The following ZNF776 variants were observed in gnomAD, a reference collection of about 807,000 sequenced individuals.
ZNF776 encodes zinc finger protein 776.
Under a neutral mutation model 7.0 loss-of-function variants are expected in ZNF776, and 4 were observed. The ratio of observed to expected loss-of-function variants is 0.57; its 90% CI spans 0.28 to 1.31. The LOEUF is 1.31. Among genes scored for constraint, ZNF776 ranks in the 50% most tolerant of loss-of-function variants. ZNF776 has a pLI of 0.10. For missense variants in ZNF776, 555 were observed against 625.9 expected (o/e 0.89, Z 1.21); for synonymous variants, 212 against 213.7 (o/e 0.99, Z 0.07).
chr19:57,754,777 C>A lies in ZNF776; in HGVS notation c.*90C>A. Reference sequence around the variant, plus strand: ...AGCACTTATGAGTATGGAGAATGTGCAAAATCATCTAGCCAAAAGGTTGGC... The same window carrying A: ...AGCACTTATGAGTATGGAGAATGTGAAAAATCATCTAGCCAAAAGGTTGGC... On this transcript the variant is annotated 3_prime_UTR_variant, in exon 3 of 3. Transcript: ENST00000317178. The A allele has an allele frequency of 1.5e-6, 2 of 1,351,732 alleles. No homozygotes were observed. The highest frequency in any genetic ancestry group is 2.0e-6 in the Non-Finnish European group (2 of 985,210). 83.7% of individuals were successfully genotyped at this position (1,351,732 alleles called of 1,614,324 possible). A position where few individuals can be genotyped will look rare whatever the true frequency, so the allele number is the denominator to read the frequency against.
In ZNF776 at chr19:57,746,869, T is replaced by C. The variant is rs1986445871; in HGVS notation, c.-190T>C. ...TTTTCCAGTGAGAGACCGCGGAGTG[T>C]TGGGTCGTGTAGAAGTGACTGAACC... is the stretch of plus-strand genomic sequence containing the variant. On this transcript the variant is annotated 5_prime_UTR_variant, in exon 1 of 3. Transcript: ENST00000317178. 1.9e-6 allele frequency: 1 copy of C among 517,854 alleles called. No homozygotes were observed. Among genetic ancestry groups the C allele is most frequent in the Middle Eastern group, 3.3e-4 (1 of 3,020 alleles). 32.1% of individuals were successfully genotyped at this position (517,854 alleles called of 1,614,324 possible). A position where few individuals can be genotyped will look rare whatever the true frequency, so the allele number is the denominator to read the frequency against.
In ZNF776 at chr19:57,750,859, A is replaced by G. The variant is rs1287999473; in HGVS notation, c.108A>G (p.Arg36=). ...EEWSLLSEAQ[R]CLYHDVMLEN... ...GGAGTCTCCTTAGTGAGGCTCAGAG[A>G]TGCCTTTATCATGACGTGATGCTGG... The change falls in exon 2 of 3, where the codon AGA becomes AGG. Residue 36 remains arginine, a synonymous_variant. Transcript: ENST00000317178. 1.4e-5 allele frequency: 23 copies of G among 1,613,332 alleles called. No homozygotes were observed. The highest frequency in any genetic ancestry group is 1.9e-5 in the Non-Finnish European group (22 of 1,179,542).
At chr19:57,749,476 GTTA>G (rs1421961951) in intron 1 of ZNF776, 1 of 152,212 alleles carries the variant, frequency 6.6e-6, no homozygotes, top group Admixed American at 6.5e-5. Flanking sequence ...GTCATTTTGT[GTTA>G]TTATTGGATC....
rs9676956 is a variant in ZNF776 at position 57,754,858 on chromosome 19, G to A, written c.*171G>A. On this transcript the variant is annotated 3_prime_UTR_variant, in exon 3 of 3. Coordinates refer to ENST00000317178, the MANE Select transcript of ZNF776 (RefSeq NM_173632.4). ...GAAAGGCTTTCTGAGTGTAGAGAAT[G>A]TATGAAATCCTGTACATAGAAGTTT... The A allele has an allele frequency of 0.011, 7,090 of 669,744 alleles. 366 individuals are homozygous for A. In the African/African-American group the frequency reaches 0.11, roughly 10 times the overall value. 41.5% of individuals were successfully genotyped at this position (669,744 alleles called of 1,614,324 possible). A position where few individuals can be genotyped will look rare whatever the true frequency, so the allele number is the denominator to read the frequency against.
At position 57,754,616 on chromosome 19, in the gene ZNF776, T is replaced by G; in HGVS notation, c.1486T>G (p.Cys496Gly). The G allele has an allele frequency of 6.2e-7, 1 of 1,614,188 alleles. No individual in the cohort carries two copies. The highest frequency in any genetic ancestry group is 1.1e-5 in the South Asian group (1 of 91,080). ...RPHECGECGK[C>G]FRQKGNLIKH... The stretch of plus-strand genomic sequence containing the variant: ...ACATGAGTGTGGAGAATGTGGAAAG[T>G]GTTTTCGTCAAAAGGGAAACCTCAT... Residue 496 changes from cysteine to glycine, a missense_variant, in exon 3 of 3, where the codon TGT (cysteine) becomes GGT (glycine). Transcript: ENST00000317178.
chr19:57,753,850 T>G lies in ZNF776; in HGVS notation c.720T>G (p.Asp240Glu). ...LPREGPYVCS[D>E]SGKFTSKSNS... is the part of the protein sequence containing the mutation. Reference sequence around the variant, plus strand: ...GAGAAGGACCTTATGTATGCAGTGATTCTGGGAAATTCACTAGCAAAAGTA... The same window carrying G: ...GAGAAGGACCTTATGTATGCAGTGAGTCTGGGAAATTCACTAGCAAAAGTA... Residue 240 changes from aspartate to glutamate, a missense_variant, in exon 3 of 3, where the codon GAT becomes GAG. Coordinates refer to ENST00000317178, the MANE Select transcript of ZNF776 (RefSeq NM_173632.4). 1 of 1,614,214 alleles carries G rather than the reference T, an allele frequency of 6.2e-7. No homozygotes were observed. Among genetic ancestry groups the G allele is most frequent in the East Asian group, 2.2e-5 (1 of 44,884 alleles).
chr19:57,750,699 AGG>A, intron 1 of ZNF776, 84 bp from the exon 2 acceptor site: 1 of 1,493,116 alleles, frequency 6.7e-7, no homozygotes, highest in Non-Finnish European at 9.0e-7. Context: ...CTTGTAGTTT[AGG>A]ACCTTGGGAG....
rs535105129 is a variant in ZNF776 at position 57,752,610 on chromosome 19, C to T, written c.161-681C>T. Reference sequence around the variant, plus strand: ...TCATGCTAGAAGCTCTCTGATTTCACAAGTATTTACCTGGCAACATGACGA... The same window carrying T: ...TCATGCTAGAAGCTCTCTGATTTCATAAGTATTTACCTGGCAACATGACGA... On this transcript the variant is annotated intron_variant, in intron 2 of 2. Transcript: ENST00000317178. Among the ~76,000 whole-genome samples, 224 of 152,290 alleles carry T rather than the reference C, an allele frequency of 1.5e-3. 1 individual carries two copies. Among genetic ancestry groups the T allele is most frequent in the Non-Finnish European group, 2.7e-3 (187 of 68,016 alleles).
intron 2 of ZNF776, among the ~76,000 whole-genome samples, chr19:57,751,765 T>C (rs561888835): frequency 2.3e-4 from 35 of 151,768 alleles, no homozygotes; most frequent in Middle Eastern, 3.4e-3. Flanking sequence ...ATTCTCAGCC[T>C]TCTGGGCTCA....
chr19:57,754,366 A>G lies in ZNF776; in HGVS notation c.1236A>G (p.Ser412=), dbSNP rs774290144. The part of the protein sequence containing the change: ...RPYECKECRK[S]FRYKSHLTEH... ...ATGAGTGTAAAGAATGTAGGAAATC[A>G]TTTAGGTACAAGTCACACCTCACTG... is the stretch of plus-strand genomic sequence containing the variant. The change falls in exon 3 of 3, where the codon TCA becomes TCG. Residue 412 remains serine, a synonymous_variant. Transcript: ENST00000317178. The G allele has an allele frequency of 1.5e-5, 25 of 1,613,966 alleles. No homozygotes were observed. Among genetic ancestry groups the G allele is most frequent in the Non-Finnish European group, 2.1e-5 (25 of 1,179,988 alleles).
At chr19:57,752,833 C>T (rs1365147055) in intron 2 of ZNF776, among the ~76,000 whole-genome samples, 1 of 152,242 alleles carries the variant, frequency 6.6e-6, no homozygotes, top group Non-Finnish European at 1.5e-5. Context: ...AGTGTGTACA[C>T]ATTGCTAAGC....
chr19:57,747,025 C>T lies in ZNF776; in HGVS notation c.-34C>T, dbSNP rs749795177. 3.8e-6 allele frequency: 6 copies of T among 1,561,566 alleles called. No homozygotes were observed. Among genetic ancestry groups the T allele is most frequent in the South Asian group, 2.4e-5 (2 of 84,622 alleles). On this transcript the variant is annotated 5_prime_UTR_variant, in exon 1 of 3. Transcript: ENST00000317178. ...GCCCGGGTACCTGCACTGCTCGCCC[C>T]CTCCTTTCGACCCCGCTTTCCCCAC...
intron 1 of ZNF776, among the ~76,000 whole-genome samples, chr19:57,747,797 C>G (rs928431209): frequency 6.6e-6 from 1 of 151,754 alleles, no homozygotes; most frequent in Non-Finnish European, 1.5e-5. Flanking sequence ...GGCCCTAACT[C>G]CTATCCACAT....
intron 1 of ZNF776, among the ~76,000 whole-genome samples, chr19:57,747,392 A>T (rs1220360598): frequency 1.3e-5 from 2 of 152,260 alleles, no homozygotes; most frequent in East Asian, 3.9e-4. Flanking sequence ...GAGCAGGCTG[A>T]GGACCGTGTA....
Position 57,754,285 on chromosome 19 carries a change from T to G in ZNF776, c.1155T>G (p.Phe385Leu), listed in dbSNP as rs1986702061. Residue 385 changes from phenylalanine to leucine, a missense_variant, in exon 3 of 3, where the codon TTT becomes TTG. Physicochemically the swap from Phe to Leu is conservative, Grantham distance 22 (BLOSUM62 0). Transcript: ENST00000317178. ...AGTGTACGGCATGTGGGAAGTTATT[T>G]AGGAGCAACTCCCACCTAAAGGAAC... ...PFECTACGKL[F>L]RSNSHLKEHQ... 6.2e-7 allele frequency: 1 copy of G among 1,613,908 alleles called. No homozygotes were observed. The highest frequency in any genetic ancestry group is 1.7e-5 in the Admixed American group (1 of 59,978).
In ZNF776 at chr19:57,753,378, G is replaced by A; in HGVS notation, c.248G>A (p.Gly83Asp). The A allele has an allele frequency of 1.9e-6, 3 of 1,614,180 alleles. No individual in the cohort carries two copies. The highest frequency in any genetic ancestry group is 1.3e-5 in the African/African-American group (1 of 75,048). The change falls in exon 3 of 3, where the codon GGT (glycine) becomes GAT (aspartate). Residue 83 changes from glycine to aspartate, a missense_variant. Transcript: ENST00000317178. ...TCCCCACTCAGGACACATTGGACAG[G>A]TGTATGTACCAAGAAGGTCCACCTC... The part of the protein sequence containing the change: ...QESPLRTHWT[G>D]VCTKKVHLWG...
chr19:57,754,073 A>T lies in ZNF776; in HGVS notation c.943A>T (p.Thr315Ser), dbSNP rs772412522. The T allele has an allele frequency of 6.2e-7, 1 of 1,614,066 alleles. No individual in the cohort carries two copies. The highest frequency in any genetic ancestry group is 8.5e-7 in the Non-Finnish European group (1 of 1,179,984). ...TCTTGTTGACCATCAGCGAGTTCAC[A>T]CTGGAGAAAGACCTTATGAATGTGA... ...HSLVDHQRVHTGERPYECDEC... is the reference protein window; with the variant it reads ...HSLVDHQRVHSGERPYECDEC... Residue 315 changes from threonine (T) to serine (S), a missense_variant, in exon 3 of 3, where the codon ACT (threonine) becomes TCT (serine). Physicochemically the swap from Thr to Ser is moderately conservative, Grantham distance 58 (BLOSUM62 1). Coordinates refer to ENST00000317178, the MANE Select transcript of ZNF776 (RefSeq NM_173632.4).
chr19:57,752,932 G>A (rs1165808949), intron 2 of ZNF776, among the ~76,000 whole-genome samples: 1 of 152,156 alleles, frequency 6.6e-6, no homozygotes. Flanking sequence ...ATTTTCCTGT[G>A]ACACACAAAC....
At chr19:57,753,203 A>T in intron 2 of ZNF776, 88 bp from the exon 3 acceptor site, 1 of 1,259,904 alleles carries the variant, frequency 7.9e-7, no homozygotes, top group Non-Finnish European at 1.1e-6. Context: ...AAATATAAGT[A>T]CAACAAAGCA....
Sources: allele counts gnomAD v4.1 joint callset (sites outside exome capture counted in the v4.1 genomes callset), GRCh38; gene constraint gnomAD v4.1.1; transcripts MANE v1.5; gene names NCBI Gene and HGNC (gene_info 2026-07-23, HGNC 2026-07-21).